GALNT14: variants seen among roughly 807,000 people sequenced by gnomAD.
GALNT14 encodes the protein UDP-GalNAc:polypeptide N-acetylgalactosaminyltransferase 14.
In GALNT14, 60 loss-of-function variants were observed where a neutral mutation model predicts 77.5. The observed-to-expected ratio is 0.77, with a 90% confidence interval of 0.63 to 0.96. The LOEUF is 0.96. GALNT14 is among the 40% of genes least tolerant of loss of function. The probability of loss-of-function intolerance (pLI) is 0.00; values close to 1 mark genes in which losing one functional copy is unlikely to be tolerated. For missense variants in GALNT14, 710 were observed against 731.0 expected, an observed-to-expected ratio of 0.97 and a Z score of 0.33; for synonymous variants, 280 against 281.7, an observed-to-expected ratio of 0.99 and a Z score of 0.06.
intron 1 of GALNT14, among the ~76,000 whole-genome samples, chr2:31,021,051 G>A (rs1404981861): frequency 6.6e-6 from 1 of 152,096 alleles, no homozygotes; most frequent in Admixed American, 6.6e-5. Context: ...ATTGCCAATG[G>A]GACTGGAGGG....
At chr2:30,888,194 C>T in the GALNT14 span, among the ~76,000 whole-genome samples, 5 of 152,310 alleles carry the variant, frequency 3.3e-5, no homozygotes, top group East Asian at 9.6e-4. Flanking sequence ...TGAGCCTAGC[C>T]ATCTGTCTGC....
intron 1 of GALNT14, among the ~76,000 whole-genome samples, chr2:30,997,197 G>T (rs1464135170): frequency 6.6e-6 from 1 of 152,046 alleles, no homozygotes. Flanking sequence ...CTCTACTGAG[G>T]GTCGGTAGGC....
At position 31,134,210 on chromosome 2, in the gene GALNT14, G is replaced by T. The variant is rs565226669; in HGVS notation, c.129+3748C>A. 7.9e-5 allele frequency among the ~76,000 whole-genome samples: 12 copies of T among 151,732 alleles called. No homozygotes were observed. In the South Asian group the frequency reaches 2.3e-3, roughly 29 times the overall value. ...GGTCGGGTAGTTCCCCAGACCAGGA[G>T]CCCTTAATACAGCTCTCTCCAATCT... is the stretch of plus-strand genomic sequence containing the variant. On this transcript the variant is annotated intron_variant, in intron 1 of 14. Transcript: ENST00000349752.
At chr2:30,960,627 C>A (rs113362018) in intron 3 of GALNT14, among the ~76,000 whole-genome samples, 3 of 152,096 alleles carry the variant, frequency 2.0e-5, no homozygotes, top group African/African-American at 7.2e-5. Context: ...GCTGGGAGGG[C>A]CTGAGGTGGG....
chr2:31,111,960 G>T (rs993399030), intron 1 of GALNT14, among the ~76,000 whole-genome samples: 5 of 150,488 alleles, frequency 3.3e-5, no homozygotes, highest in Non-Finnish European at 7.4e-5. Flanking sequence ...TAGTGATGGG[G>T]CTGGATGCCT....
chr2:30,995,041 G>A (rs1210780834), intron 1 of GALNT14, among the ~76,000 whole-genome samples: 2 of 152,026 alleles, frequency 1.3e-5, no homozygotes, highest in African/African-American at 4.8e-5. Context: ...TTGCTTAAGG[G>A]AGGATAGAGA....
chr2:30,962,808 A>G (rs1667774084), intron 3 of GALNT14, among the ~76,000 whole-genome samples: 1 of 152,170 alleles, frequency 6.6e-6, no homozygotes, highest in Non-Finnish European at 1.5e-5. Flanking sequence ...TAACAATGAA[A>G]GGTACTTTAG....
chr2:31,120,263 T>C (rs1573376697), intron 1 of GALNT14, among the ~76,000 whole-genome samples: 1 of 152,184 alleles, frequency 6.6e-6, no homozygotes, highest in African/African-American at 2.4e-5. Context: ...GTGATCAATC[T>C]CTCACTCTCC....
chr2:30,941,165 T>C (rs11894926), intron 9 of GALNT14, among the ~76,000 whole-genome samples: 58,662 of 152,088 alleles, frequency 0.39, 11,832 homozygotes, highest in African/African-American at 0.51. Flanking sequence ...AGAGCCTGTG[T>C]CAGACATGTG....
In GALNT14 at chr2:30,910,823, G is replaced by A; in HGVS notation, c.*78C>T. ...AGGATGTCTGAGGTGGTTGCAGGCT[G>A]CTTGCTGCCCAGTTTCCAGTCTGTT... On this transcript the variant is annotated 3_prime_UTR_variant, in exon 15 of 15. Coordinates refer to ENST00000349752, the MANE Select transcript of GALNT14 (RefSeq NM_024572.4). 1.3e-6 allele frequency: 2 copies of A among 1,507,658 alleles called. No homozygotes were observed. The highest frequency in any genetic ancestry group is 1.2e-5 in the South Asian group (1 of 80,572). The allele number at this position is 1,507,658 out of a possible 1,614,324, so 93.4% of individuals were successfully genotyped here.
At position 30,930,731 on chromosome 2, in the gene GALNT14, A is replaced by C. The variant is rs538456402; in HGVS notation, c.1059-1244T>G. Among the ~76,000 whole-genome samples, 36 of 152,356 alleles carry C rather than the reference A, an allele frequency of 2.4e-4. No individual in the cohort carries two copies. The South Asian group carries it at 7.5e-3, about 32-fold the overall frequency. On this transcript the variant is annotated intron_variant, in intron 10 of 14. Transcript: ENST00000349752. ...GCGTGGCAAGCCCTTCTAAGCTAGGACCTGCAATGACAGTTTATGCACACA... is the reference window on the plus strand; with the variant it reads ...GCGTGGCAAGCCCTTCTAAGCTAGGCCCTGCAATGACAGTTTATGCACACA...
At chr2:30,931,773 G>C (rs566190783) in intron 10 of GALNT14, among the ~76,000 whole-genome samples, 1 of 152,146 alleles carries the variant, frequency 6.6e-6, no homozygotes, top group East Asian at 1.9e-4. Context: ...CAAATATCTG[G>C]AGCCCATGCC....
At chr2:30,949,653 T>C (rs1666910385) in intron 6 of GALNT14, among the ~76,000 whole-genome samples, 1 of 152,044 alleles carries the variant, frequency 6.6e-6, no homozygotes, top group Admixed American at 6.5e-5. Context: ...GCCTCTCATT[T>C]CTCCGCTGAG....
intron 1 of GALNT14, among the ~76,000 whole-genome samples, chr2:31,038,625 T>C (rs1382832125): frequency 2.0e-5 from 3 of 152,126 alleles, no homozygotes; most frequent in Admixed American, 6.5e-5. Context: ...AGGCTGCTGA[T>C]TTTCACAGCT....
At chr2:30,981,701 A>T (rs1669000165) in intron 2 of GALNT14, among the ~76,000 whole-genome samples, 1 of 152,164 alleles carries the variant, frequency 6.6e-6, no homozygotes, top group South Asian at 2.1e-4. Flanking sequence ...ATGTTTCTGG[A>T]AATAGCGTCC....
chr2:31,101,155 C>A (rs1196690114), intron 1 of GALNT14, among the ~76,000 whole-genome samples: 1 of 151,964 alleles, frequency 6.6e-6, no homozygotes, highest in Non-Finnish European at 1.5e-5. Context: ...ATTGAAGTTT[C>A]TCAAAGCTCT....
chr2:31,049,616 C>T (rs945556568), intron 1 of GALNT14, among the ~76,000 whole-genome samples: 2 of 152,164 alleles, frequency 1.3e-5, no homozygotes, highest in African/African-American at 4.8e-5. Context: ...AGATGTCAGA[C>T]TGGGAGATAG....
chr2:30,998,506 C>A (rs537943875), intron 1 of GALNT14, among the ~76,000 whole-genome samples: 1 of 152,306 alleles, frequency 6.6e-6, no homozygotes, highest in East Asian at 1.9e-4. Context: ...AACTCTTTAT[C>A]CCTTTGATAC....
intron 2 of GALNT14, among the ~76,000 whole-genome samples, chr2:30,975,990 C>T (rs1401154212): frequency 2.0e-5 from 3 of 152,200 alleles, no homozygotes; most frequent in Admixed American, 2.0e-4. Flanking sequence ...CCTCCTGTCT[C>T]CTCTCTTCCC....
Sources: allele counts gnomAD v4.1 joint callset (sites outside exome capture counted in the v4.1 genomes callset), GRCh38; gene constraint gnomAD v4.1.1; transcripts MANE v1.5; gene names NCBI Gene and HGNC (gene_info 2026-07-23, HGNC 2026-07-21).